Variants in KCNS3 observed in about 807,000 individuals in gnomAD.
KCNS3 encodes potassium voltage-gated channel modifier subfamily S member 3.
KCNS3 carries 13 observed loss-of-function variants against 31.0 expected under a neutral mutation model. That is an observed-to-expected ratio of 0.42 (90% CI 0.27 to 0.67). The LOEUF (loss-of-function observed/expected upper bound fraction) is 0.67. KCNS3 is among the 30% of genes least tolerant of loss of function. KCNS3 has a pLI of 0.25. For synonymous variants in KCNS3, 238 were observed against 241.5 expected, an observed-to-expected ratio of 0.99 and a Z score of 0.13; for missense variants, 545 against 622.4, an observed-to-expected ratio of 0.88 and a Z score of 1.32.
At chr2:17,906,720 A>C (rs1213851463) in intron 1 of KCNS3, among the ~76,000 whole-genome samples, 1 of 152,196 alleles carries the variant, frequency 6.6e-6, no homozygotes, top group Non-Finnish European at 1.5e-5. Context: ...TTATGTACCC[A>C]GTAGTCATTC....
intron 1 of KCNS3, among the ~76,000 whole-genome samples, chr2:17,891,084 T>G (rs1278438431): frequency 1.3e-5 from 2 of 152,198 alleles, no homozygotes; most frequent in South Asian, 4.1e-4. Context: ...GTAATTGTTT[T>G]ATAAATTTGG....
intron 1 of KCNS3, among the ~76,000 whole-genome samples, chr2:17,904,081 A>G (rs1042844034): frequency 6.6e-6 from 1 of 152,182 alleles, no homozygotes; most frequent in African/African-American, 2.4e-5. Context: ...CCAACAGTGT[A>G]AAAGTGTTCC....
intron 1 of KCNS3, among the ~76,000 whole-genome samples, chr2:17,884,953 T>A (rs934854494): frequency 7.0e-6 from 1 of 143,340 alleles, no homozygotes; most frequent in Admixed American, 7.1e-5. Context: ...TTTTTTTTCC[T>A]CACTGCCTGG....
chr2:17,888,631 A>ATATC (rs199928504), intron 1 of KCNS3, among the ~76,000 whole-genome samples: 950 of 30,364 alleles, frequency 0.031, 44 homozygotes, highest in Non-Finnish European at 0.04. Context: ...AAAAAAATGT[A>ATATC]TATATATATA....
intron 1 of KCNS3, among the ~76,000 whole-genome samples, chr2:17,908,061 A>G (rs1307415854): frequency 2.0e-5 from 3 of 152,112 alleles, no homozygotes; most frequent in Non-Finnish European, 4.4e-5. Flanking sequence ...GTGTTTTCGA[A>G]CTTGGTTCCA....
intron 1 of KCNS3, among the ~76,000 whole-genome samples, chr2:17,910,041 C>T (rs768050735): frequency 6.6e-6 from 1 of 152,136 alleles, no homozygotes; most frequent in Non-Finnish European, 1.5e-5. Context: ...CCTATGGACC[C>T]CTTTTCAGAA....
chr2:17,887,362 C>T (rs958198783), intron 1 of KCNS3, among the ~76,000 whole-genome samples: 1 of 152,024 alleles, frequency 6.6e-6, no homozygotes, highest in Non-Finnish European at 1.5e-5. Context: ...TGAGAACATA[C>T]GATGTTTGAT....
intron 1 of KCNS3, among the ~76,000 whole-genome samples, chr2:17,908,982 A>C (rs1662406755): frequency 6.6e-6 from 1 of 152,200 alleles, no homozygotes; most frequent in African/African-American, 2.4e-5. Flanking sequence ...TACTCCCTTC[A>C]AAGCTGTCAG....
chr2:17,899,438 CATCTATT>C lies in KCNS3; in HGVS notation c.-251-18241_-251-18235del, dbSNP rs1359162867. ...TGCTGTCAGTCATCTATCTATCTATCATCTATTTATCAACAGATGAAGAAACCTCAAT... is the reference window on the plus strand; with the variant it reads ...TGCTGTCAGTCATCTATCTATCTATCTATCAACAGATGAAGAAACCTCAAT... On this transcript the variant is annotated intron_variant, in intron 1 of 2. Coordinates refer to ENST00000304101, the MANE Select transcript of KCNS3 (RefSeq NM_002252.5). 1.1e-4 allele frequency among the ~76,000 whole-genome samples: 17 copies of C among 148,644 alleles called. No individual in the cohort carries two copies. The East Asian group carries it at 1.8e-3, about 16-fold the overall frequency.
intron 1 of KCNS3, among the ~76,000 whole-genome samples, chr2:17,892,172 T>G (rs181059135): frequency 1.6e-3 from 241 of 152,226 alleles, no homozygotes; most frequent in African/African-American, 5.5e-3. Flanking sequence ...TTCGAAGACC[T>G]TGTCTTCGAG....
chr2:17,884,291 A>ATATATATATATATT (rs1572475902), intron 1 of KCNS3, among the ~76,000 whole-genome samples: 1 of 138,996 alleles, frequency 7.2e-6, no homozygotes. Context: ...ATATATATAT[A>ATATATATATATATT]TATATATATA....
intron 1 of KCNS3, among the ~76,000 whole-genome samples, chr2:17,879,174 G>GAA (rs1674580119): frequency 6.6e-6 from 1 of 152,220 alleles, no homozygotes; most frequent in African/African-American, 2.4e-5. Flanking sequence ...CCTGGAGGCG[G>GAA]GAGAATCGAT....
chr2:17,903,757 T>G (rs1350476766), intron 1 of KCNS3, among the ~76,000 whole-genome samples: 2 of 152,172 alleles, frequency 1.3e-5, no homozygotes, highest in African/African-American at 2.4e-5. Context: ...GGTTTCCAGC[T>G]TCATCCATGT....
chr2:17,921,966 T>TATATATGTAA (rs1662727361), intron 2 of KCNS3, among the ~76,000 whole-genome samples: 1 of 138,954 alleles, frequency 7.2e-6, no homozygotes, highest in Non-Finnish European at 1.6e-5. Flanking sequence ...TATAAATACA[T>TATATATGTAA]ATACATATAT....
At chr2:17,903,708 T>C (rs1401258463) in intron 1 of KCNS3, among the ~76,000 whole-genome samples, 1 of 151,702 alleles carries the variant, frequency 6.6e-6, no homozygotes, top group East Asian at 1.9e-4. Flanking sequence ...ACATGCGGTG[T>C]TTGGTTTTTT....
intron 2 of KCNS3, among the ~76,000 whole-genome samples, chr2:17,923,722 G>A (rs114544424): frequency 0.024 from 3,579 of 151,598 alleles, 61 homozygotes; most frequent in Non-Finnish European, 0.036. Context: ...ACTATTTATC[G>A]AAAAGACTCT....
At chr2:17,906,305 T>C (rs1662312771) in intron 1 of KCNS3, among the ~76,000 whole-genome samples, 1 of 152,244 alleles carries the variant, frequency 6.6e-6, no homozygotes, top group Admixed American at 6.5e-5. Flanking sequence ...TCGGTGGTGA[T>C]ATCCCCTTTG....
intron 2 of KCNS3, among the ~76,000 whole-genome samples, chr2:17,918,086 A>G (rs1662631366): frequency 6.6e-6 from 1 of 152,256 alleles, no homozygotes; most frequent in Non-Finnish European, 1.5e-5. Flanking sequence ...GGCCAACTTT[A>G]GAAAATGCTG....
chr2:17,882,856 C>T (rs1467355698), intron 1 of KCNS3, among the ~76,000 whole-genome samples: 1 of 152,076 alleles, frequency 6.6e-6, no homozygotes, highest in Non-Finnish European at 1.5e-5. Context: ...AGCATATCTG[C>T]ACATTATACT....
Sources: allele counts gnomAD v4.1 joint callset (sites outside exome capture counted in the v4.1 genomes callset), GRCh38; gene constraint gnomAD v4.1.1; transcripts MANE v1.5; gene names NCBI Gene and HGNC (gene_info 2026-07-23, HGNC 2026-07-21).